Variants in SP1 observed in about 807,000 individuals in gnomAD.
SP1 encodes the protein transcription factor Sp1.
In SP1, 6 loss-of-function variants were observed where a neutral mutation model predicts 66.3. The observed-to-expected ratio is 0.09, with a 90% CI of 0.05 to 0.18. The LOEUF is 0.18. Among genes scored for constraint, SP1 ranks in the 10% least tolerant of loss-of-function variants. The probability of loss-of-function intolerance (pLI) is 1.00; values close to 1 mark genes in which losing one functional copy is unlikely to be tolerated. For missense variants in SP1, 848 were observed against 964.5 expected (o/e 0.88, Z 1.60); for synonymous variants, 417 against 360.8 (o/e 1.16, Z -1.77).
intron 3 of SP1, among the ~76,000 whole-genome samples, chr12:53,399,557 T>C (rs1592566354): frequency 6.6e-6 from 1 of 152,338 alleles, no homozygotes; most frequent in East Asian, 1.9e-4. Context: ...GGTCTCGATC[T>C]CCTGACCTTG....
In SP1 at chr12:53,411,211, T is replaced by C; in HGVS notation, c.2329T>C (p.Ser777Pro). Residue 777 changes from serine (S) to proline (P), a missense_variant, in exon 6 of 6, where the codon TCC becomes CCC. Around this residue, in one of 7 missense-constraint regions of SP1, gnomAD observed 73 missense variants for 91.9 expected, o/e 0.79. Coordinates refer to ENST00000327443, the MANE Select transcript of SP1 (RefSeq NM_138473.3). ...INVMQVADLQ[S>P]INISGNGF ...CGTCATGCAGGTGGCAGATCTGCAG[T>C]CCATTAATATCAGTGGCAATGGCTT... The C allele has an allele frequency of 6.2e-7, 1 of 1,612,412 alleles. No homozygotes were observed. Among genetic ancestry groups the C allele is most frequent in the Non-Finnish European group, 8.5e-7 (1 of 1,179,258 alleles).
At position 53,380,514 on chromosome 12, in the gene SP1, G is replaced by T. The variant is rs916565556; in HGVS notation, c.7+216G>T. Reference sequence around the variant, plus strand: ...ATGGGCCGCCCGCCCCGGGGGAGGGGGCAGCGTGGCCTCGCCCGCCCCCTG... The same window carrying T: ...ATGGGCCGCCCGCCCCGGGGGAGGGTGCAGCGTGGCCTCGCCCGCCCCCTG... On this transcript the variant is annotated intron_variant, in intron 1 of 5. Transcript: ENST00000327443. 1.7e-3 allele frequency: 875 copies of T among 505,104 alleles called. 2 individuals are homozygous for T. Among genetic ancestry groups the T allele is most frequent in the Non-Finnish European group, 2.2e-3 (772 of 346,414 alleles). 31.3% of individuals were successfully genotyped at this position (505,104 alleles called of 1,614,324 possible). A position where few individuals can be genotyped will look rare whatever the true frequency, so the allele number is the denominator to read the frequency against.
chr12:53,404,477 G>A (rs1177775892), intron 3 of SP1, among the ~76,000 whole-genome samples: 1 of 151,548 alleles, frequency 6.6e-6, no homozygotes, highest in Non-Finnish European at 1.5e-5. Context: ...AGGAGGCGGA[G>A]GTTGCAATGA....
In SP1 at chr12:53,406,636, A is replaced by G. The variant is rs766745116; in HGVS notation, c.1727A>G (p.His576Arg). The part of the protein sequence containing the change: ...GLHGAGGDGI[H>R]DDTAGGEEGE... The stretch of plus-strand genomic sequence containing the variant: ...CATGGGGCTGGTGGTGATGGAATAC[A>G]TGATGACACAGCAGGTGGAGAGGAA... The change falls in exon 4 of 6, where the codon CAT becomes CGT. Residue 576 changes from histidine (H) to arginine (R), a missense_variant. Physicochemically the swap from His to Arg is conservative, Grantham distance 29. Around this residue, in one of 7 missense-constraint regions of SP1, gnomAD observed 26 missense variants for 49.2 expected, o/e 0.53. Transcript: ENST00000327443. 2 of 1,614,072 alleles carry G rather than the reference A, an allele frequency of 1.2e-6. No homozygotes were observed. The highest frequency in any genetic ancestry group is 1.3e-5 in the African/African-American group (1 of 75,018).
chr12:53,380,946 C>CTTTTTTTT (rs35296566), intron 1 of SP1, among the ~76,000 whole-genome samples: 2 of 100,800 alleles, frequency 2.0e-5, no homozygotes, highest in African/African-American at 4.9e-5. Flanking sequence ...TTTTGTTTGT[C>CTTTTTTTT]TTTTTTTTTT....
intron 1 of SP1, chr12:53,380,637 G>C: frequency 1.0e-6 from 1 of 999,724 alleles, no homozygotes; most frequent in Non-Finnish European, 1.2e-6. Flanking sequence ...GGCGGCCCGA[G>C]CAGCGAAGGC....
At chr12:53,397,354 C>G (rs1214667026) in intron 3 of SP1, among the ~76,000 whole-genome samples, 1 of 151,998 alleles carries the variant, frequency 6.6e-6, no homozygotes. Context: ...TTTTCTTACT[C>G]TCAGCTAATT....
At chr12:53,384,445 C>T (rs2136890619) in intron 3 of SP1, among the ~76,000 whole-genome samples, 1 of 151,952 alleles carries the variant, frequency 6.6e-6, no homozygotes, top group East Asian at 1.9e-4. Context: ...CCACCACGCC[C>T]AGCTAATCTT....
chr12:53,416,103 C>CA lies in SP1; in HGVS notation c.*4864dup, dbSNP rs1157484017. On this transcript the variant is annotated 3_prime_UTR_variant, in exon 6 of 6. Coordinates refer to ENST00000327443, the MANE Select transcript of SP1 (RefSeq NM_138473.3). ...CTTAACACTGGCAATAACCAGTCCA[C>CA]ACCACTGTTGCCTTTTAAAACCTCT... 3 of 152,678 alleles carry CA rather than the reference C, an allele frequency of 2.0e-5. No individual in the cohort carries two copies. The highest frequency in any genetic ancestry group is 7.2e-5 in the African/African-American group (3 of 41,446). 9.5% of individuals were successfully genotyped at this position (152,678 alleles called of 1,614,324 possible). A position where few individuals can be genotyped will look rare whatever the true frequency, so the allele number is the denominator to read the frequency against.
intron 5 of SP1, 29 bp from the exon 6 acceptor site, chr12:53,410,898 A>T (rs769139462): frequency 6.4e-7 from 1 of 1,561,090 alleles, no homozygotes; most frequent in Non-Finnish European, 8.8e-7. Context: ...CTAACATGTC[A>T]GCTTCTTATC....
chr12:53,407,155 T>G (rs1274887672), intron 4 of SP1, among the ~76,000 whole-genome samples: 2 of 150,272 alleles, frequency 1.3e-5, no homozygotes, highest in African/African-American at 4.9e-5. Flanking sequence ...GATTTAAGAC[T>G]CAGAGCTGGA....
rs1453614285 is a variant in SP1 at position 53,413,344 on chromosome 12, T to G, written c.*2104T>G. ...ATCCAGATCTATAGCAGAGTCCTTA[T>G]TCTTCTCATAAATCTTTTTACTTTG... is the stretch of plus-strand genomic sequence containing the variant. On this transcript the variant is annotated 3_prime_UTR_variant, in exon 6 of 6. Transcript: ENST00000327443. The G allele has an allele frequency of 6.6e-6, 1 of 152,280 alleles. No homozygotes were observed. The highest frequency in any genetic ancestry group is 1.5e-5 in the Non-Finnish European group (1 of 68,030). The allele number at this position is 152,280 out of a possible 1,614,324, so 9.4% of individuals were successfully genotyped here. A position where few individuals can be genotyped will look rare whatever the true frequency, so the allele number is the denominator to read the frequency against.
chr12:53,386,233 A>G (rs765216009), intron 3 of SP1, among the ~76,000 whole-genome samples: 1 of 152,028 alleles, frequency 6.6e-6, no homozygotes, highest in Non-Finnish European at 1.5e-5. Flanking sequence ...GACTGCTTTG[A>G]AAGTACTGTG....
At chr12:53,406,900 C>G in intron 4 of SP1, 147 bp downstream of exon 4, 1 of 637,654 alleles carries the variant, frequency 1.6e-6, no homozygotes, top group Non-Finnish European at 2.6e-6. Context: ...TCTTGGCTCA[C>G]TGCAAACTCC....
chr12:53,403,354 C>A (rs1049651905), intron 3 of SP1, among the ~76,000 whole-genome samples: 2 of 152,008 alleles, frequency 1.3e-5, no homozygotes, highest in South Asian at 4.1e-4. Flanking sequence ...TTATAGAAAT[C>A]TTTTTTGGTT....
Position 53,382,207 on chromosome 12 carries a change from CAGG to C in SP1, c.261_263del (p.Gly89del). On this transcript the variant is annotated inframe_deletion, in exon 3 of 6. Coordinates refer to ENST00000327443, the MANE Select transcript of SP1 (RefSeq NM_138473.3). ...AACAACTCCCAGGGCCCGAGTCAGT[CAGG>C]GGGAACAGGTGAGCTTGACCTCACA... 3 of 1,614,178 alleles carry C rather than the reference CAGG, an allele frequency of 1.9e-6. No individual in the cohort carries two copies. In the East Asian group the frequency reaches 6.7e-5, roughly 36 times the overall value.
intron 3 of SP1, among the ~76,000 whole-genome samples, chr12:53,388,704 G>A (rs1266443500): frequency 6.6e-6 from 1 of 152,120 alleles, no homozygotes; most frequent in Non-Finnish European, 1.5e-5. Context: ...TTTTGGCCAG[G>A]CGTAGTGGCT....
At position 53,382,897 on chromosome 12, in the gene SP1, C is replaced by G. The variant is rs747545532; in HGVS notation, c.950C>G (p.Ser317Cys). Reference sequence around the variant, plus strand: ...AGCTTGGTATCATCACAAGCCAGTTCCAGCTCCTTTTTCACCAATGCCAAT... The same window carrying G: ...AGCTTGGTATCATCACAAGCCAGTTGCAGCTCCTTTTTCACCAATGCCAAT... ...SASLVSSQAS[S>C]SSFFTNANSY... The change falls in exon 3 of 6, where the codon TCC becomes TGC. Residue 317 changes from serine (S) to cysteine (C), a missense_variant. By Grantham distance (112) the Ser-to-Cys change is moderately radical (BLOSUM62 -1). Transcript: ENST00000327443. The G allele has an allele frequency of 6.8e-6, 11 of 1,614,068 alleles. No homozygotes were observed. The highest frequency in any genetic ancestry group is 1.7e-5 in the Admixed American group (1 of 59,992).
At chr12:53,389,244 G>T (rs1364175211) in intron 3 of SP1, among the ~76,000 whole-genome samples, 2 of 139,542 alleles carry the variant, frequency 1.4e-5, no homozygotes, top group East Asian at 2.1e-4. Context: ...TTTGGGAGAC[G>T]GAGTTTCATT....
Sources: allele counts gnomAD v4.1 joint callset (sites outside exome capture counted in the v4.1 genomes callset), GRCh38; gene constraint gnomAD v4.1.1; regional missense constraint gnomAD v4.1.1; transcripts MANE v1.5; gene names NCBI Gene and HGNC (gene_info 2026-07-23, HGNC 2026-07-21).